RORA: variants seen among roughly 807,000 people sequenced by gnomAD.
RORA encodes the protein RAR related orphan receptor A, also known as nuclear receptor ROR-alpha.
A neutral mutation model predicts 69.5 loss-of-function variants in RORA; 7 were observed. The observed-to-expected ratio is 0.10, with a 90% CI of 0.06 to 0.19. The LOEUF (loss-of-function observed/expected upper bound fraction) is 0.19. RORA is among the 10% of genes least tolerant of loss of function. The pLI, the probability that RORA is intolerant of heterozygous loss-of-function variation, is 1.00. For missense variants in RORA, 457 were observed against 663.0 expected, an observed-to-expected ratio of 0.69 and a Z score of 3.41; for synonymous variants, 261 against 240.8, an observed-to-expected ratio of 1.08 and a Z score of -0.78.
intron 1 of RORA, among the ~76,000 whole-genome samples, chr15:60,914,396 C>T (rs1595813374): frequency 1.3e-5 from 2 of 152,100 alleles, no homozygotes; most frequent in East Asian, 1.9e-4. Flanking sequence ...AACCAGGCAG[C>T]CACTCCTCCT....
intron 1 of RORA, among the ~76,000 whole-genome samples, chr15:61,156,156 CTTCTCT>C (rs2079440443): frequency 1.3e-5 from 2 of 152,088 alleles, no homozygotes; most frequent in South Asian, 2.1e-4. Flanking sequence ...TTCCTTGTCA[CTTCTCT>C]TTCTTTTTTT....
At chr15:60,980,019 A>T (rs1195649662) in intron 1 of RORA, among the ~76,000 whole-genome samples, 1 of 152,124 alleles carries the variant, frequency 6.6e-6, no homozygotes, top group African/African-American at 2.4e-5. Context: ...TGGGTTTTTC[A>T]TAGATGCCTT....
chr15:60,943,471 G>A (rs1423166365), intron 1 of RORA, among the ~76,000 whole-genome samples: 3 of 152,040 alleles, frequency 2.0e-5, no homozygotes, highest in Non-Finnish European at 4.4e-5. Context: ...GTTTTGAGAG[G>A]ATTACATTTT....
chr15:60,640,545 CT>C (rs1445055293), intron 2 of RORA, among the ~76,000 whole-genome samples: 6 of 152,206 alleles, frequency 3.9e-5, no homozygotes, highest in Non-Finnish European at 8.8e-5. Flanking sequence ...TCACCACAGC[CT>C]TCAAAGGCCC....
chr15:60,785,042 T>G (rs2072316562), intron 1 of RORA, among the ~76,000 whole-genome samples: 1 of 152,160 alleles, frequency 6.6e-6, no homozygotes, highest in African/African-American at 2.4e-5. Context: ...TCAGCATGCT[T>G]CAATTAAAGA....
At chr15:60,844,505 G>A (rs1428155761) in intron 1 of RORA, among the ~76,000 whole-genome samples, 3 of 152,122 alleles carry the variant, frequency 2.0e-5, no homozygotes, top group Non-Finnish European at 4.4e-5. Context: ...ACAAGCTGCT[G>A]CCACGAGCAA....
chr15:60,703,652 T>A (rs148942240), intron 1 of RORA, among the ~76,000 whole-genome samples: 1 of 152,320 alleles, frequency 6.6e-6, no homozygotes, highest in East Asian at 1.9e-4. Context: ...GATGCCACCC[T>A]AACATTTTCT....
At chr15:60,954,389 A>G (rs1893204896) in intron 1 of RORA, among the ~76,000 whole-genome samples, 1 of 150,568 alleles carries the variant, frequency 6.6e-6, no homozygotes, top group Non-Finnish European at 1.5e-5. Flanking sequence ...ACATATATAC[A>G]TATGTAACTA....
intron 2 of RORA, among the ~76,000 whole-genome samples, chr15:60,651,579 A>G (rs1419617359): frequency 1.3e-5 from 2 of 152,132 alleles, no homozygotes; most frequent in African/African-American, 4.8e-5. Context: ...CCACTATTCT[A>G]TGGAACAAAA....
chr15:60,598,923 C>A (rs764014549), intron 2 of RORA, among the ~76,000 whole-genome samples: 17 of 152,146 alleles, frequency 1.1e-4, no homozygotes, highest in Non-Finnish European at 2.5e-4. Flanking sequence ...GACTAAACAC[C>A]TTCTGTGTGC....
chr15:60,667,381 C>T (rs1443809242), intron 2 of RORA, among the ~76,000 whole-genome samples: 1 of 152,042 alleles, frequency 6.6e-6, no homozygotes, highest in Non-Finnish European at 1.5e-5. Flanking sequence ...GTTGAGAATG[C>T]CTGGCCACTG....
At chr15:61,037,783 G>A (rs895353279) in intron 1 of RORA, among the ~76,000 whole-genome samples, 1 of 152,188 alleles carries the variant, frequency 6.6e-6, no homozygotes, top group Admixed American at 6.5e-5. Flanking sequence ...AAGGTGGCCT[G>A]AGATGAATGC....
At chr15:60,845,083 T>G (rs1483786565) in intron 1 of RORA, among the ~76,000 whole-genome samples, 2 of 152,072 alleles carry the variant, frequency 1.3e-5, no homozygotes, top group African/African-American at 4.8e-5. Context: ...AAAGTGAAAT[T>G]CACAAGTCCT....
chr15:61,154,009 T>C (rs1225515426), intron 1 of RORA, among the ~76,000 whole-genome samples: 1 of 152,222 alleles, frequency 6.6e-6, no homozygotes, highest in East Asian at 1.9e-4. Flanking sequence ...CAGGTGGTTC[T>C]GCTTGATTAG....
rs114763326 is a variant in RORA, at chr15:61,135,671, G to T, written c.166+93382C>A. On this transcript the variant is annotated intron_variant, in intron 1 of 10. Coordinates refer to ENST00000335670, the MANE Select transcript of RORA (RefSeq NM_134261.3). ...TACATCCTTATCCCCCTGCAGAGCT[G>T]CTTTTGCCGGGTACCAGGGAAGCAG... is the stretch of plus-strand genomic sequence containing the variant. 6.2e-3 allele frequency among the ~76,000 whole-genome samples: 941 copies of T among 151,760 alleles called. 8 individuals are homozygous for T. The highest frequency in any genetic ancestry group is 0.022 in the African/African-American group (906 of 41,356).
At chr15:60,895,603 A>C (rs11071565) in intron 1 of RORA, among the ~76,000 whole-genome samples, 151,766 of 152,162 alleles carry the variant, frequency 1, 75,685 homozygotes, top group Non-Finnish European at 1. Flanking sequence ...TGTGGGAGCA[A>C]AGTATTTCCT....
intron 1 of RORA, among the ~76,000 whole-genome samples, chr15:60,967,733 A>C (rs1451619575): frequency 6.6e-6 from 1 of 152,224 alleles, no homozygotes; most frequent in African/African-American, 2.4e-5. Flanking sequence ...CAACGTATTT[A>C]TGTGAGTAAA....
intron 1 of RORA, among the ~76,000 whole-genome samples, chr15:60,888,048 T>C (rs1363713841): frequency 6.6e-6 from 1 of 152,184 alleles, no homozygotes; most frequent in African/African-American, 2.4e-5. Flanking sequence ...CCCAGGAATG[T>C]CTCTCTCCAT....
At chr15:60,933,606 T>C (rs1892435456) in intron 1 of RORA, among the ~76,000 whole-genome samples, 1 of 152,158 alleles carries the variant, frequency 6.6e-6, no homozygotes, top group Non-Finnish European at 1.5e-5. Flanking sequence ...TCCTCCTGGA[T>C]GGCATACTCC....
Sources: gnomAD v4.1 joint callset for allele counts (sites outside exome capture counted in the v4.1 genomes callset) on GRCh38, gnomAD v4.1.1 for gene constraint, MANE v1.5 for transcripts, NCBI Gene and HGNC (gene_info 2026-07-23, HGNC 2026-07-21) for gene names.